The following CCDC40 variants were observed in gnomAD, a reference collection of about 807,000 sequenced individuals.
The protein encoded by CCDC40 is coiled-coil domain 40 molecular ruler complex subunit, also known as coiled-coil domain-containing protein 40.
A neutral mutation model predicts 124.5 loss-of-function variants in CCDC40; 104 were observed. The observed-to-expected ratio is 0.84, with a 90% CI of 0.71 to 0.98. CCDC40 has a LOEUF of 0.98. CCDC40 is among the 50% of genes least tolerant of loss of function. The pLI, the probability that CCDC40 is intolerant of heterozygous loss-of-function variation, is 0.00. For synonymous variants in CCDC40, 580 were observed against 602.9 expected, an observed-to-expected ratio of 0.96 and a Z score of 0.56; for missense variants, 1,463 against 1,503.9, an observed-to-expected ratio of 0.97 and a Z score of 0.45.
chr17:80,089,195 G>A (rs1056160008), intron 16 of CCDC40, among the ~76,000 whole-genome samples: 1 of 152,148 alleles, frequency 6.6e-6, no homozygotes, highest in African/African-American at 2.4e-5. Context: ...TATTTTCATG[G>A]CCATCTTTCC....
At chr17:80,098,309 G>T (rs1329946094) in intron 19 of CCDC40, among the ~76,000 whole-genome samples, 2 of 152,212 alleles carry the variant, frequency 1.3e-5, no homozygotes, top group Non-Finnish European at 2.9e-5. Flanking sequence ...CTTTTCTCTT[G>T]GGGAGGTGGG....
chr17:80,064,634 T>G (rs1045110109), intron 9 of CCDC40, among the ~76,000 whole-genome samples: 4 of 152,166 alleles, frequency 2.6e-5, no homozygotes, highest in Admixed American at 2.6e-4. Flanking sequence ...GGAACTCCCC[T>G]TTCCCTTGGA....
Position 80,082,068 on chromosome 17 carries a change from T to C in CCDC40, c.1989+10T>C. 6.2e-7 allele frequency: 1 copy of C among 1,611,968 alleles called. No individual in the cohort carries two copies. The highest frequency in any genetic ancestry group is 8.5e-7 in the Non-Finnish European group (1 of 1,179,266). The stretch of plus-strand genomic sequence containing the variant: ...GGAGAAGACCAACATGGTAGGCCCC[T>C]GCCCCAGGGAGGGGCTGTGCGAAGC... On this transcript the variant is annotated intron_variant, in intron 12 of 19. Coordinates refer to ENST00000397545, the MANE Select transcript of CCDC40 (RefSeq NM_017950.4).
chr17:80,087,802 G>A lies in CCDC40; in HGVS notation c.2619+26G>A. On this transcript the variant is annotated intron_variant, in intron 15 of 19. Transcript: ENST00000397545. This position sits in a 1 kb window ranked among gnomAD's most constrained non-coding sequence, Gnocchi z 4.5. ...GTCCGGCCGTGTCCACGCAGTCCCG[G>A]GGCTCAGGACGATGGAGGGCGGGGG... The A allele has an allele frequency of 6.2e-7, 1 of 1,611,508 alleles. No individual in the cohort carries two copies. Among genetic ancestry groups the A allele is most frequent in the Non-Finnish European group, 8.5e-7 (1 of 1,177,854 alleles).
intron 19 of CCDC40, among the ~76,000 whole-genome samples, chr17:80,099,057 C>T (rs1302268202): frequency 2.0e-5 from 3 of 148,544 alleles, no homozygotes; most frequent in Non-Finnish European, 3.0e-5. Flanking sequence ...CCGAGGCAGG[C>T]GGATCACGAG....
chr17:80,044,453 G>A (rs1475167554), intron 3 of CCDC40, among the ~76,000 whole-genome samples: 1 of 152,186 alleles, frequency 6.6e-6, no homozygotes, highest in African/African-American at 2.4e-5. Context: ...GGAGGCCGAT[G>A]CAGGCGGATC....
chr17:80,039,741 T>C, intron 2 of CCDC40, 71 bp from the exon 3 acceptor site: 3 of 1,557,644 alleles, frequency 1.9e-6, no homozygotes, highest in Non-Finnish European at 2.6e-6. Flanking sequence ...ATAATTACAC[T>C]ATAAAGAATA....
At chr17:80,096,790 C>T (rs191240053) in intron 18 of CCDC40, among the ~76,000 whole-genome samples, 1 of 152,262 alleles carries the variant, frequency 6.6e-6, no homozygotes, top group African/African-American at 2.4e-5. Flanking sequence ...CCCGGCTTTT[C>T]TTTCTCTTAA....
chr17:80,068,780 C>T (rs969947196), intron 10 of CCDC40, among the ~76,000 whole-genome samples: 3 of 152,060 alleles, frequency 2.0e-5, no homozygotes, highest in African/African-American at 2.4e-5. Context: ...CAGAGCCTGA[C>T]GTGTAACTGA....
chr17:80,083,593 T>C (rs1479461481), intron 12 of CCDC40, among the ~76,000 whole-genome samples: 1 of 152,214 alleles, frequency 6.6e-6, no homozygotes, highest in African/African-American at 2.4e-5. Flanking sequence ...AAGAGGACCC[T>C]GTCCTGGTGG....
intron 10 of CCDC40, among the ~76,000 whole-genome samples, chr17:80,073,954 G>A (rs1362401859): frequency 3.9e-5 from 6 of 152,108 alleles, no homozygotes; most frequent in South Asian, 2.1e-4. Flanking sequence ...CCAAAGTGCC[G>A]GGATTACAAG....
At chr17:80,045,575 G>C (rs571623920) in intron 3 of CCDC40, among the ~76,000 whole-genome samples, 66 of 152,122 alleles carry the variant, frequency 4.3e-4, no homozygotes, top group African/African-American at 1.6e-3. Flanking sequence ...GTGGTGGCAG[G>C]TGCCTGTAAT....
intron 7 of CCDC40, among the ~76,000 whole-genome samples, chr17:80,053,397 G>A (rs1419715744): frequency 6.6e-6 from 1 of 152,144 alleles, no homozygotes; most frequent in African/African-American, 2.4e-5. Context: ...AAACCACCAG[G>A]ACCTATCCCA....
At chr17:80,065,696 G>C (rs1398129906) in intron 10 of CCDC40, 90 bp downstream of exon 10, 1 of 1,540,838 alleles carries the variant, frequency 6.5e-7, no homozygotes, top group Non-Finnish European at 8.9e-7. Context: ...TGGGTCCACC[G>C]GATCTCTGGG....
intron 3 of CCDC40, among the ~76,000 whole-genome samples, chr17:80,044,713 A>T (rs1331972397): frequency 3.3e-5 from 2 of 60,170 alleles, no homozygotes; most frequent in African/African-American, 1.4e-4. Flanking sequence ...AAACAAAAAA[A>T]AAAATATATA....
Position 80,081,982 on chromosome 17 carries a change from A to T in CCDC40, c.1913A>T (p.Glu638Val), listed in dbSNP as rs760407697. The change falls in exon 12 of 20, where the codon GAG (glutamate) becomes GTG (valine). Residue 638 changes from glutamate to valine, a missense_variant. Coordinates refer to ENST00000397545, the MANE Select transcript of CCDC40 (RefSeq NM_017950.4). ...TDAAIREKLQEHMTSNKTTKY... is the reference protein window; with the variant it reads ...TDAAIREKLQVHMTSNKTTKY... ...GCTGCCATCCGGGAGAAGCTGCAGG[A>T]GCACATGACCTCCAACAAGACCACC... 4 of 1,613,876 alleles carry T rather than the reference A, an allele frequency of 2.5e-6. No homozygotes were observed. Among genetic ancestry groups the T allele is most frequent in the East Asian group, 4.5e-5 (2 of 44,748 alleles).
Position 80,099,535 on chromosome 17 carries a change from A to G in CCDC40, c.3189A>G (p.Ser1063=), listed in dbSNP as rs1253585859. ...TCTCTTTTCCTACCCAGAACCTTTC[A>G]GAGATCGTGGCCCTGCAGACACGCC... The part of the protein sequence containing the change: ...RLGALKRQNL[S]EIVALQTRLK... The change falls in exon 20 of 20, where the codon TCA becomes TCG. Residue 1063 remains serine (S), a synonymous_variant. Transcript: ENST00000397545. 6.2e-7 allele frequency: 1 copy of G among 1,609,136 alleles called. No homozygotes were observed. The highest frequency in any genetic ancestry group is 1.3e-5 in the African/African-American group (1 of 74,978).
chr17:80,087,817 G>T lies in CCDC40; in HGVS notation c.2619+41G>T. The T allele has an allele frequency of 1.9e-6, 3 of 1,593,006 alleles. No homozygotes were observed. The highest frequency in any genetic ancestry group is 1.7e-6 in the Non-Finnish European group (2 of 1,161,344). On this transcript the variant is annotated intron_variant, in intron 15 of 19. Transcript: ENST00000397545. The surrounding 1 kb of genome is among the most constrained non-coding windows in gnomAD (Gnocchi z 4.5). ...CGCAGTCCCGGGGCTCAGGACGATG[G>T]AGGGCGGGGGTACGGTCCTTGCGGT...
intron 10 of CCDC40, among the ~76,000 whole-genome samples, chr17:80,069,067 C>T (rs138525344): frequency 6.6e-6 from 1 of 152,308 alleles, no homozygotes; most frequent in Non-Finnish European, 1.5e-5. Context: ...ATTCCATTCC[C>T]CACCCCTCCT....
Sources: allele counts gnomAD v4.1 joint callset (sites outside exome capture counted in the v4.1 genomes callset), GRCh38; gene constraint gnomAD v4.1.1; non-coding constraint Gnocchi (gnomAD v3.1); transcripts MANE v1.5; gene names NCBI Gene and HGNC (gene_info 2026-07-23, HGNC 2026-07-21).